The following ABCA12 variants were observed in gnomAD, a reference collection of about 807,000 sequenced individuals.
ABCA12 encodes ATP binding cassette subfamily A member 12.
A neutral mutation model predicts 293.5 loss-of-function variants in ABCA12; 156 were observed. The observed-to-expected ratio is 0.53, with a 90% CI of 0.47 to 0.61. The LOEUF (loss-of-function observed/expected upper bound fraction) is 0.61, where lower values mean the gene tolerates loss of function less well. ABCA12 is among the 20% of genes least tolerant of loss of function. The pLI is 0.00. For missense variants in ABCA12, 2,797 were observed against 3,090.2 expected, an observed-to-expected ratio of 0.91 and a Z score of 2.25; for synonymous variants, 1,063 against 1,108.0, an observed-to-expected ratio of 0.96 and a Z score of 0.81.
intron 14 of ABCA12, chr2:215,017,641 T>C (rs1420709335): frequency 7.5e-6 from 1 of 132,556 alleles, no homozygotes; most frequent in South Asian, 2.5e-4. Flanking sequence ...AATATAATTC[T>C]TTTTTTTTTT....
chr2:215,075,399 G>A (rs1312091951), intron 2 of ABCA12: 4 of 558,916 alleles, frequency 7.2e-6, no homozygotes, highest in Non-Finnish European at 1.3e-5. Context: ...ATGAGTTATT[G>A]CCCGGAACTA....
Position 215,025,716 on chromosome 2 carries a change from T to A in ABCA12, c.1244A>T (p.Tyr415Phe). ...AGGAACTGGAGGAAAGTAATCTTCA[T>A]AGGAACCATTGCGAAGAAAAGATTT... is the stretch of plus-strand genomic sequence containing the variant. ...FKKSFLRNGS[Y>F]EDYFPPVPEV... Residue 415 changes from tyrosine to phenylalanine, a missense_variant, in exon 11 of 53, where the codon TAT (tyrosine) becomes TTT (phenylalanine). Around this residue, in one of 3 missense-constraint regions of ABCA12, gnomAD observed 656 missense variants for 638.2 expected, o/e 1.03. Transcript: ENST00000272895. 1 of 1,613,118 alleles carries A rather than the reference T, an allele frequency of 6.2e-7. No homozygotes were observed. The highest frequency in any genetic ancestry group is 1.1e-5 in the South Asian group (1 of 91,020).
At position 214,931,870 on chromosome 2, in the gene ABCA12, T is replaced by G. The variant is rs1005450719; in HGVS notation, c.*764A>C. The G allele has an allele frequency of 6.6e-6, 1 of 152,200 alleles. No homozygotes were observed. Among genetic ancestry groups the G allele is most frequent in the Non-Finnish European group, 1.5e-5 (1 of 68,044 alleles). The allele number at this position is 152,200 out of a possible 1,614,324, so 9.4% of individuals were successfully genotyped here. ...AGCACATGGATTCTCTTTTCAGGGT[T>G]TGTATCTACCCAGCTGACACACCCA... On this transcript the variant is annotated 3_prime_UTR_variant, in exon 53 of 53. Transcript: ENST00000272895.
rs762059750 is a variant in ABCA12 at position 214,948,558 on chromosome 2, T to C, written c.7104+38A>G. The C allele has an allele frequency of 1.9e-6, 3 of 1,610,550 alleles. No individual in the cohort carries two copies. The South Asian group carries it at 3.3e-5, about 18-fold the overall frequency. On this transcript the variant is annotated intron_variant, in intron 47 of 52. Coordinates refer to ENST00000272895, the MANE Select transcript of ABCA12 (RefSeq NM_173076.3). Reference sequence around the variant, plus strand: ...TGGGGGATGGAAGTAGAAACAATAATGGTTTCAAATTAAGTAATTTTTCAC... The same window carrying C: ...TGGGGGATGGAAGTAGAAACAATAACGGTTTCAAATTAAGTAATTTTTCAC...
In ABCA12 at chr2:215,050,864, G is replaced by A; in HGVS notation, c.508-1053C>T. 3 of 973,520 alleles carry A rather than the reference G, an allele frequency of 3.1e-6. No individual in the cohort carries two copies. The Middle Eastern group carries it at 1.6e-3, about 518-fold the overall frequency. The allele number at this position is 973,520 out of a possible 1,614,324, so 60.3% of individuals were successfully genotyped here. On this transcript the variant is annotated intron_variant, in intron 5 of 52. Transcript: ENST00000272895. ...AGTAAAGAGAAAGAAAGAGGAATCA[G>A]AGAGATTGCTGACATAGGCATCAAT... is the stretch of plus-strand genomic sequence containing the variant.
chr2:215,067,369 C>T (rs1701658472), intron 2 of ABCA12, among the ~76,000 whole-genome samples: 1 of 152,020 alleles, frequency 6.6e-6, no homozygotes, highest in South Asian at 2.1e-4. Flanking sequence ...CCAGCCAAAG[C>T]ACAAATTTAA....
At position 214,953,967 on chromosome 2, in the gene ABCA12, A is replaced by C. The variant is rs748816074; in HGVS notation, c.6534T>G (p.Asn2178Lys). The change falls in exon 44 of 53, where the codon AAT (asparagine) becomes AAG (lysine). Residue 2178 changes from asparagine to lysine, a missense_variant. Around this residue, in one of 3 missense-constraint regions of ABCA12, gnomAD observed 2,130 missense variants for 2,427.0 expected, o/e 0.88. Transcript: ENST00000272895. ...CTAGTTTATTCATCTCAAAGGTTTC[A>C]TTTGGGTATTCCACTCCATATGCTT... ...FLKAYGVEYP[N>K]ETFEMNKLGA... The C allele has an allele frequency of 6.2e-7, 1 of 1,613,998 alleles. No individual in the cohort carries two copies. Among genetic ancestry groups the C allele is most frequent in the Non-Finnish European group, 8.5e-7 (1 of 1,180,000 alleles).
chr2:215,001,601 C>T lies in ABCA12; in HGVS notation c.2820G>A (p.Glu940=). The T allele has an allele frequency of 6.2e-7, 1 of 1,613,800 alleles. No homozygotes were observed. Among genetic ancestry groups the T allele is most frequent in the Non-Finnish European group, 8.5e-7 (1 of 1,179,808 alleles). Residue 940 remains glutamate (E), a synonymous_variant, in exon 21 of 53, where the codon GAG becomes GAA. Transcript: ENST00000272895. ...TTTTGTAGAGCCTTTTAGCCTCTCT[C>T]TCCATTTCATCTATGGTTTTTGCTG... ...IQAAKTIDEM[E]REAKRLYKSN... is the part of the protein sequence containing the mutation.
Position 215,025,639 on chromosome 2 carries a change from TG to T in ABCA12, c.1287+33del, listed in dbSNP as rs772195156. Reference sequence around the variant, plus strand: ...TGTTTTGTCTTTTTGTTTTTTTTTTTGTTTTTTGTTTTTTTTTTACTTTCAT... The same window carrying T: ...TGTTTTGTCTTTTTGTTTTTTTTTTTTTTTTTGTTTTTTTTTTACTTTCAT... On this transcript the variant is annotated intron_variant, in intron 11 of 52. Transcript: ENST00000272895. The T allele has an allele frequency of 9.2e-5, 123 of 1,343,908 alleles. No individual in the cohort carries two copies. The African/African-American group carries it at 1.4e-3, about 15-fold the overall frequency. 83.2% of individuals were successfully genotyped at this position (1,343,908 alleles called of 1,614,324 possible).
At chr2:215,086,919 T>TTTATTATTATTATTATTA (rs139025147) in intron 2 of ABCA12, among the ~76,000 whole-genome samples, 24 of 151,098 alleles carry the variant, frequency 1.6e-4, no homozygotes, top group African/African-American at 5.7e-4. Context: ...TAACTACCAG[T>TTTATTATTATTATTATTA]TTATTATTAT....
intron 33 of ABCA12, 38 bp downstream of exon 33, chr2:214,978,278 C>T (rs2105961224): frequency 6.2e-7 from 1 of 1,611,044 alleles, no homozygotes; most frequent in Admixed American, 1.7e-5. Context: ...TTATGTCATC[C>T]ATTGGAATTA....
intron 4 of ABCA12, 45 bp downstream of exon 4, chr2:215,054,528 G>C: frequency 6.8e-7 from 1 of 1,464,668 alleles, no homozygotes; most frequent in Non-Finnish European, 9.6e-7. Context: ...GACCTTTACT[G>C]TTCCATAAGG....
intron 23 of ABCA12, among the ~76,000 whole-genome samples, chr2:214,995,148 G>A (rs1465402972): frequency 6.6e-6 from 1 of 152,078 alleles, no homozygotes; most frequent in Non-Finnish European, 1.5e-5. Flanking sequence ...TATTTAACAA[G>A]GGAAAGGGAT....
intron 2 of ABCA12, among the ~76,000 whole-genome samples, chr2:215,108,932 G>A (rs1702514983): frequency 6.6e-6 from 1 of 152,046 alleles, no homozygotes; most frequent in African/African-American, 2.4e-5. Context: ...GCCAGGTGTG[G>A]TGGTGGGCTC....
chr2:214,936,559 A>T (rs1698224979), intron 51 of ABCA12, among the ~76,000 whole-genome samples: 1 of 152,238 alleles, frequency 6.6e-6, no homozygotes, highest in Non-Finnish European at 1.5e-5. Flanking sequence ...TGTAATAATG[A>T]CAAATTTTCC....
intron 39 of ABCA12, among the ~76,000 whole-genome samples, chr2:214,959,780 T>C (rs1699062509): frequency 6.6e-6 from 1 of 152,154 alleles, no homozygotes; most frequent in Admixed American, 6.6e-5. Flanking sequence ...TGTTTATACT[T>C]GAGTAAAAAA....
chr2:215,040,126 C>T (rs1456322278), intron 7 of ABCA12, among the ~76,000 whole-genome samples: 1 of 152,018 alleles, frequency 6.6e-6, no homozygotes, highest in Non-Finnish European at 1.5e-5. Context: ...ACATTCAGTT[C>T]CTTAGGCACA....
At chr2:214,941,976 T>A (rs781239406) in intron 50 of ABCA12, among the ~76,000 whole-genome samples, 5 of 152,206 alleles carry the variant, frequency 3.3e-5, no homozygotes, top group Non-Finnish European at 5.9e-5. Context: ...AATATTGTTA[T>A]GTGTGAATTT....
chr2:214,954,353 G>C (rs1223854662), intron 43 of ABCA12, among the ~76,000 whole-genome samples: 1 of 152,080 alleles, frequency 6.6e-6, no homozygotes, highest in Non-Finnish European at 1.5e-5. Flanking sequence ...TAATCCTGGA[G>C]GCAAAATTAT....
Sources: gnomAD v4.1 joint callset for allele counts (sites outside exome capture counted in the v4.1 genomes callset) on GRCh38, gnomAD v4.1.1 for gene constraint, gnomAD v4.1.1 regional missense constraint, MANE v1.5 for transcripts, NCBI Gene and HGNC (gene_info 2026-07-23, HGNC 2026-07-21) for gene names.